The following IQSEC2 variants were observed in gnomAD, a reference collection of about 807,000 sequenced individuals.
IQSEC2 encodes the protein IQ motif and Sec7 domain ArfGEF 2, also known as IQ motif and SEC7 domain-containing protein 2.
Under a neutral mutation model 74.6 loss-of-function variants are expected in IQSEC2, and 6 were observed. The observed-to-expected ratio is 0.08, with a 90% CI of 0.04 to 0.16. The LOEUF is 0.16. Among genes scored for constraint, IQSEC2 ranks in the 10% least tolerant of loss-of-function variants. The pLI, the probability that IQSEC2 is intolerant of heterozygous loss-of-function variation, is 1.00. For synonymous variants in IQSEC2, 494 were observed against 544.5 expected (o/e 0.91, Z 1.29); for missense variants, 734 against 1,306.2 (o/e 0.56, Z 6.75).
chrX:53,251,101 C>T lies in IQSEC2; in HGVS notation c.1475G>A (p.Gly492Glu). 5 of 1,211,905 alleles carry T rather than the reference C, an allele frequency of 4.1e-6. No individual in the cohort carries two copies. Among genetic ancestry groups the T allele is most frequent in the Non-Finnish European group, 5.6e-6 (5 of 895,517 alleles). ...CTCCCGCTTCTCCAGCTGGGCTGAC[C>T]CTGGCTCCTCAGACATGGGCCCTGA... ...HPSGPMSEEP[G>E]SAQLEKRESK... Residue 492 changes from glycine to glutamate, a missense_variant, in exon 5 of 15, where the codon GGG (glycine) becomes GAG (glutamate). Physicochemically the swap from Gly to Glu is moderately conservative, Grantham distance 98 (BLOSUM62 -2). Transcript: ENST00000642864.
At chrX:53,296,552 C>A (rs1210193934) in intron 1 of IQSEC2, among the ~76,000 whole-genome samples, 2 of 111,146 alleles carry the variant, frequency 1.8e-5, no homozygotes, top group Non-Finnish European at 3.8e-5. Context: ...ACACTGTCTG[C>A]TAAAGGAACT....
intron 1 of IQSEC2, among the ~76,000 whole-genome samples, chrX:53,305,401 A>T (rs1556876396): frequency 9.1e-6 from 1 of 109,866 alleles, no homozygotes; most frequent in Non-Finnish European, 1.9e-5. Flanking sequence ...TTTTGTAGAG[A>T]TGGGGTCTTG....
chrX:53,277,412 G>T (rs1255247934), intron 2 of IQSEC2, among the ~76,000 whole-genome samples: 1 of 109,712 alleles, frequency 9.1e-6, no homozygotes, highest in East Asian at 2.8e-4. Context: ...GTAGAGACGG[G>T]GTTTCACTAT....
intron 2 of IQSEC2, among the ~76,000 whole-genome samples, chrX:53,259,520 G>A (rs1290855826): frequency 9.2e-6 from 1 of 108,924 alleles, no homozygotes; most frequent in African/African-American, 3.4e-5. Flanking sequence ...AAAAAGTATT[G>A]CCAGGCATGG....
chrX:53,294,804 A>T (rs968093089), intron 1 of IQSEC2, among the ~76,000 whole-genome samples: 11 of 110,650 alleles, frequency 9.9e-5, no homozygotes, highest in Middle Eastern at 4.6e-3. Flanking sequence ...ACAGCCTTTT[A>T]TTTATTTATT....
intron 1 of IQSEC2, among the ~76,000 whole-genome samples, chrX:53,315,881 G>C (rs2075365284): frequency 9.0e-6 from 1 of 111,571 alleles, no homozygotes; most frequent in Admixed American, 9.5e-5. Context: ...AGGGCAGGCA[G>C]CAAGTCTGGT....
chrX:53,254,314 G>A (rs782412028), intron 4 of IQSEC2, among the ~76,000 whole-genome samples: 3 of 86,053 alleles, frequency 3.5e-5, no homozygotes, highest in Non-Finnish European at 6.6e-5. Context: ...TGGGTGTCGA[G>A]AGCGAAACTC....
At chrX:53,288,454 C>T (rs1172521075) in intron 2 of IQSEC2, among the ~76,000 whole-genome samples, 1 of 104,129 alleles carries the variant, frequency 9.6e-6, no homozygotes, top group Non-Finnish European at 2.0e-5. Context: ...TGCCTAGCAA[C>T]CCCAGCCTGG....
At chrX:53,235,711 C>T (rs2074116003) in intron 14 of IQSEC2, 72 bp downstream of exon 14, 2 of 1,091,337 alleles carry the variant, frequency 1.8e-6, no homozygotes, top group African/African-American at 3.7e-5. Flanking sequence ...AACAGGTCCC[C>T]TCCTCCTCTG....
chrX:53,236,725 C>T (rs1453714333), intron 12 of IQSEC2, among the ~76,000 whole-genome samples: 1 of 111,552 alleles, frequency 9.0e-6, no homozygotes, highest in Non-Finnish European at 1.9e-5. Flanking sequence ...ACCCTCCCTT[C>T]CTGCTCAGCC....
intron 1 of IQSEC2, among the ~76,000 whole-genome samples, chrX:53,297,523 C>T (rs1000655644): frequency 2.7e-5 from 3 of 110,214 alleles, no homozygotes; most frequent in African/African-American, 6.6e-5. Context: ...GATGGGGTTT[C>T]GCCATGTTGC....
chrX:53,289,119 G>C (rs922175913), intron 2 of IQSEC2, among the ~76,000 whole-genome samples: 2 of 102,193 alleles, frequency 2.0e-5, no homozygotes, highest in Admixed American at 2.0e-4. Flanking sequence ...AAAAGCCCAG[G>C]CCTAGCGCCT....
At chrX:53,268,344 A>G (rs781964120) in intron 2 of IQSEC2, among the ~76,000 whole-genome samples, 1 of 111,377 alleles carries the variant, frequency 9.0e-6, no homozygotes, top group South Asian at 3.8e-4. Flanking sequence ...ACACGCACGC[A>G]CACGCCTTTC....
At chrX:53,289,657 C>T (rs1473076749) in intron 2 of IQSEC2, among the ~76,000 whole-genome samples, 1 of 111,384 alleles carries the variant, frequency 9.0e-6, no homozygotes, top group Non-Finnish European at 1.9e-5. Context: ...TTCAAGTTGC[C>T]TTCCCACCAT....
chrX:53,227,330 G>A (rs1206510777), downstream of IQSEC2: 2 of 229,968 alleles, frequency 8.7e-6, no homozygotes, highest in Non-Finnish European at 1.6e-5. Context: ...TCTTCAGAAA[G>A]ATGTAGGTGA....
intron 1 of IQSEC2, among the ~76,000 whole-genome samples, chrX:53,314,845 T>C (rs1476545696): frequency 9.0e-6 from 1 of 111,403 alleles, no homozygotes; most frequent in Non-Finnish European, 1.9e-5. Flanking sequence ...AGGGGCAATC[T>C]ACTAGGAGAC....
At chrX:53,268,845 C>T (rs1341470562) in intron 2 of IQSEC2, among the ~76,000 whole-genome samples, 5 of 112,335 alleles carry the variant, frequency 4.5e-5, no homozygotes, top group Non-Finnish European at 7.5e-5. Flanking sequence ...ATTTACTAGC[C>T]GGATGACCTT....
intron 1 of IQSEC2, among the ~76,000 whole-genome samples, chrX:53,304,969 A>G (rs912624382): frequency 2.7e-5 from 3 of 111,011 alleles, no homozygotes; most frequent in African/African-American, 9.8e-5. Flanking sequence ...CCCAGGCTGG[A>G]GTACAGTGGT....
intron 2 of IQSEC2, among the ~76,000 whole-genome samples, chrX:53,277,270 G>A (rs1453422408): frequency 9.1e-6 from 1 of 110,381 alleles, no homozygotes; most frequent in Non-Finnish European, 1.9e-5. Context: ...GGAGTGCAGG[G>A]GCGCAATCTC....
Sources: allele counts gnomAD v4.1 joint callset (sites outside exome capture counted in the v4.1 genomes callset), GRCh38; gene constraint gnomAD v4.1.1; transcripts MANE v1.5; gene names NCBI Gene and HGNC (gene_info 2026-07-23, HGNC 2026-07-21).